TNR: variants seen among roughly 807,000 people sequenced by gnomAD.
The protein encoded by TNR is tenascin R.
A neutral mutation model predicts 150.4 loss-of-function variants in TNR; 45 were observed. That is an observed-to-expected ratio of 0.30 (90% CI 0.24 to 0.38). The LOEUF is 0.38. Ranked by LOEUF, TNR falls within the 10% of genes least tolerant of loss-of-function variation. The pLI, the probability that TNR is intolerant of heterozygous loss-of-function variation, is 1.00. For missense variants in TNR, 1,544 were observed against 1,759.1 expected, an observed-to-expected ratio of 0.88 and a Z score of 2.19; for synonymous variants, 687 against 678.4, an observed-to-expected ratio of 1.01 and a Z score of -0.20.
At position 175,599,321 on chromosome 1, in the gene TNR, C is replaced by T. The variant is rs1663134596; in HGVS notation, c.-164-70952G>A. 6.6e-6 allele frequency among the ~76,000 whole-genome samples: 1 copy of T among 152,202 alleles called. No individual in the cohort carries two copies. Among genetic ancestry groups the T allele is most frequent in the South Asian group, 2.1e-4 (1 of 4,826 alleles). On this transcript the variant is annotated intron_variant, in intron 1 of 22. Transcript: ENST00000367674. The surrounding 1 kb of genome is among the most constrained non-coding windows in gnomAD (Gnocchi z 4.7). ...GGCGGAGACATCGCAGCAACGCTAA[C>T]GGGGCAGACCGCATAGGGGCCCTGA...
intron 1 of TNR, among the ~76,000 whole-genome samples, chr1:175,631,863 C>T (rs1409633084): frequency 6.6e-6 from 1 of 152,204 alleles, no homozygotes; most frequent in Non-Finnish European, 1.5e-5. Flanking sequence ...TGCTTCTCTA[C>T]ACTGCTTTAT....
chr1:175,407,811 T>C (rs73045410), intron 2 of TNR, among the ~76,000 whole-genome samples: 1 of 152,126 alleles, frequency 6.6e-6, no homozygotes. Flanking sequence ...ATGGAGGAAG[T>C]TCTTCCAAGA....
At position 175,354,528 on chromosome 1, in the gene TNR, A is replaced by G. The variant is rs991326555; in HGVS notation, c.3250-5T>C. On this transcript the variant is annotated splice_region_variant and splice_polypyrimidine_tract_variant and intron_variant, in intron 17 of 22. Transcript: ENST00000367674. ...TTCTGCATCCACAATCAGCTCCTGTATAATGAGCCAAAGGAAGGGTGGTGG... is the reference window on the plus strand; with the variant it reads ...TTCTGCATCCACAATCAGCTCCTGTGTAATGAGCCAAAGGAAGGGTGGTGG... The G allele has an allele frequency of 2.5e-6, 4 of 1,613,994 alleles. No homozygotes were observed. The African/African-American group carries it at 4.0e-5, about 16-fold the overall frequency.
At chr1:175,483,741 C>T (rs528403311) in intron 2 of TNR, among the ~76,000 whole-genome samples, 1 of 152,250 alleles carries the variant, frequency 6.6e-6, no homozygotes, top group South Asian at 2.1e-4. Flanking sequence ...CCCAAGGGAG[C>T]CAGATGGTGG....
At position 175,611,589 on chromosome 1, in the gene TNR, T is replaced by G. The variant is rs186501609; in HGVS notation, c.-164-83220A>C. ...CCTCAAGCAATCCACCCTCCTTGGC[T>G]TCTCAAAGTGCTGGGATTACAGGCA... On this transcript the variant is annotated intron_variant, in intron 1 of 22. Coordinates refer to ENST00000367674, the MANE Select transcript of TNR (RefSeq NM_003285.3). Among the ~76,000 whole-genome samples, 195 of 152,292 alleles carry G rather than the reference T, an allele frequency of 1.3e-3. 1 individual carries two copies. Among genetic ancestry groups the G allele is most frequent in the African/African-American group, 4.5e-3 (189 of 41,564 alleles).
chr1:175,648,283 A>G (rs1455185377), intron 1 of TNR, among the ~76,000 whole-genome samples: 1 of 152,114 alleles, frequency 6.6e-6, no homozygotes, highest in Non-Finnish European at 1.5e-5. Flanking sequence ...AGCACTTAAT[A>G]CGTGCTCAAT....
chr1:175,468,365 C>T (rs1165066226), intron 2 of TNR, among the ~76,000 whole-genome samples: 1 of 152,198 alleles, frequency 6.6e-6, no homozygotes, highest in African/African-American at 2.4e-5. Flanking sequence ...TGAGGTGACG[C>T]ATTGAAGGCA....
intron 1 of TNR, among the ~76,000 whole-genome samples, chr1:175,667,259 G>C (rs1310362377): frequency 2.0e-5 from 3 of 152,214 alleles, no homozygotes; most frequent in African/African-American, 7.2e-5. Context: ...GGTCTGCTCT[G>C]TGTGGCAGTT....
At chr1:175,539,337 G>A (rs561341649) in intron 1 of TNR, among the ~76,000 whole-genome samples, 1 of 152,306 alleles carries the variant, frequency 6.6e-6, no homozygotes, top group Admixed American at 6.5e-5. Context: ...AGCCCATGAA[G>A]AAGACACAGT....
intron 1 of TNR, among the ~76,000 whole-genome samples, chr1:175,673,426 A>T (rs924524204): frequency 1.3e-5 from 2 of 152,206 alleles, no homozygotes; most frequent in Non-Finnish European, 2.9e-5. Flanking sequence ...TAGAGAATGT[A>T]GAAGCATTCA....
intron 1 of TNR, among the ~76,000 whole-genome samples, chr1:175,684,393 T>A (rs188403736): frequency 1.4e-4 from 21 of 152,252 alleles, no homozygotes; most frequent in Middle Eastern, 6.8e-3. Context: ...CATCCATCTA[T>A]CCTATAATTT....
intron 2 of TNR, among the ~76,000 whole-genome samples, chr1:175,446,673 T>C (rs1399406074): frequency 6.6e-6 from 1 of 152,172 alleles, no homozygotes; most frequent in Non-Finnish European, 1.5e-5. Flanking sequence ...ACCCAAATTA[T>C]TTGTATAATT....
At chr1:175,561,879 G>A (rs1661443745) in intron 1 of TNR, among the ~76,000 whole-genome samples, 1 of 152,154 alleles carries the variant, frequency 6.6e-6, no homozygotes, top group African/African-American at 2.4e-5. Flanking sequence ...GGGCCCCTGA[G>A]TCTGTTTTCA....
chr1:175,574,035 T>G (rs941058797), intron 1 of TNR, among the ~76,000 whole-genome samples: 13 of 152,224 alleles, frequency 8.5e-5, no homozygotes, highest in African/African-American at 2.9e-4. Flanking sequence ...CCAGTTGTTT[T>G]TTATCTCAGG....
chr1:175,611,440 C>T (rs1268187457), intron 1 of TNR, among the ~76,000 whole-genome samples: 1 of 152,058 alleles, frequency 6.6e-6, no homozygotes, highest in Non-Finnish European at 1.5e-5. Context: ...TTAATCAACC[C>T]TCCTGTCTCA....
At chr1:175,684,055 T>C (rs767843698) in intron 1 of TNR, among the ~76,000 whole-genome samples, 6 of 152,196 alleles carry the variant, frequency 3.9e-5, no homozygotes, top group Admixed American at 6.5e-5. Context: ...TGGACTCTGA[T>C]GCCTGGCTGC....
chr1:175,686,335 A>G (rs1231251133), intron 1 of TNR, among the ~76,000 whole-genome samples: 1 of 152,156 alleles, frequency 6.6e-6, no homozygotes, highest in Non-Finnish European at 1.5e-5. Context: ...TAGAAGACAA[A>G]CCACATTCAA....
At chr1:175,518,006 G>T (rs1659483743) in intron 2 of TNR, among the ~76,000 whole-genome samples, 1 of 152,146 alleles carries the variant, frequency 6.6e-6, no homozygotes, top group Admixed American at 6.5e-5. Context: ...GGAGAAACAA[G>T]CTTCTAATTC....
chr1:175,729,831 A>C (rs1667585342), intron 1 of TNR, among the ~76,000 whole-genome samples: 1 of 152,144 alleles, frequency 6.6e-6, no homozygotes, highest in Non-Finnish European at 1.5e-5. Flanking sequence ...TCTGGCAGCT[A>C]TGTGGGTCCC....
Sources: allele counts gnomAD v4.1 joint callset (sites outside exome capture counted in the v4.1 genomes callset), GRCh38; gene constraint gnomAD v4.1.1; non-coding constraint Gnocchi (gnomAD v3.1); transcripts MANE v1.5; gene names NCBI Gene and HGNC (gene_info 2026-07-23, HGNC 2026-07-21).